RFX7: variants seen among roughly 807,000 people sequenced by gnomAD.
RFX7 encodes the protein regulatory factor X7, also known as DNA-binding protein RFX7.
Under a neutral mutation model 111.8 loss-of-function variants are expected in RFX7, and 26 were observed. That is an observed-to-expected ratio of 0.23 (90% CI 0.17 to 0.32). RFX7 has a LOEUF of 0.32. Ranked by LOEUF, RFX7 falls within the 10% of genes least tolerant of loss-of-function variation. RFX7 has a pLI of 1.00. For missense variants in RFX7, 1,573 were observed against 1,772.9 expected, an observed-to-expected ratio of 0.89 and a Z score of 2.02; for synonymous variants, 624 against 624.4, an observed-to-expected ratio of 1.00 and a Z score of 0.01.
intron 3 of RFX7, among the ~76,000 whole-genome samples, chr15:56,153,294 C>T (rs1205241338): frequency 2.0e-5 from 3 of 152,148 alleles, no homozygotes; most frequent in Non-Finnish European, 2.9e-5. Context: ...TGATGAACAT[C>T]GATGTGAAAA....
intron 2 of RFX7, among the ~76,000 whole-genome samples, chr15:56,212,271 G>C (rs181122197): frequency 6.6e-6 from 1 of 152,130 alleles, no homozygotes; most frequent in African/African-American, 2.4e-5. Flanking sequence ...TACATACTGT[G>C]TGATTACAAC....
chr15:56,243,391 GGGAGGGGAAGAGGAGGAGGAGGAGGA>G, intron 1 of RFX7, 28 bp downstream of exon 1: 1 of 891,372 alleles, frequency 1.1e-6, no homozygotes, highest in Non-Finnish European at 1.4e-6. Context: ...GAGGGGGAGG[GGGAGGGGAAGAGGAGGAGGAGGAGGA>G]AGGAAGCTGG....
intron 2 of RFX7, among the ~76,000 whole-genome samples, chr15:56,206,425 A>G (rs2043252635): frequency 6.6e-6 from 1 of 152,176 alleles, no homozygotes; most frequent in Non-Finnish European, 1.5e-5. Context: ...GTGCACAATC[A>G]TGATGGAGAA....
intron 5 of RFX7, among the ~76,000 whole-genome samples, chr15:56,119,012 C>A (rs1942207426): frequency 6.6e-6 from 1 of 152,120 alleles, no homozygotes; most frequent in Admixed American, 6.5e-5. Context: ...CTATATAGGT[C>A]TTTTGCCCAT....
intron 5 of RFX7, among the ~76,000 whole-genome samples, chr15:56,124,650 C>T (rs1595944417): frequency 6.6e-6 from 1 of 152,292 alleles, no homozygotes; most frequent in East Asian, 1.9e-4. Flanking sequence ...GCCATTTGTA[C>T]ACCATCTTTT....
At chr15:56,209,634 T>C (rs73411509) in intron 2 of RFX7, among the ~76,000 whole-genome samples, 6,442 of 152,114 alleles carry the variant, frequency 0.042, 490 homozygotes, top group African/African-American at 0.15. Flanking sequence ...TATGCTTCTA[T>C]ATAAACAAAA....
At position 56,095,005 on chromosome 15, in the gene RFX7, T is replaced by A. The variant is rs201283346; in HGVS notation, c.2723A>T (p.Asn908Ile). 1.2e-6 allele frequency: 2 copies of A among 1,613,498 alleles called. No individual in the cohort carries two copies. Among genetic ancestry groups the A allele is most frequent in the Non-Finnish European group, 1.7e-6 (2 of 1,179,730 alleles). The change falls in exon 10 of 10, where the codon AAC becomes ATC. Residue 908 changes from asparagine (N) to isoleucine (I), a missense_variant. Around this residue, in one of 7 missense-constraint regions of RFX7, gnomAD observed 625 missense variants for 632.2 expected, o/e 0.99. Coordinates refer to ENST00000559447, the MANE Select transcript of RFX7 (RefSeq NM_022841.7). Reference protein sequence around the residue: ...MSMNNSHSYGNCLGMTLQSQS... With the variant: ...MSMNNSHSYGICLGMTLQSQS... ...ACTCTGAAGGGTCATTCCCAAACAG[T>A]TGCCGTAAGAATGAGAATTGTTCAT...
intron 5 of RFX7, among the ~76,000 whole-genome samples, chr15:56,123,704 T>C (rs767942903): frequency 5.9e-5 from 9 of 152,178 alleles, no homozygotes; most frequent in Non-Finnish European, 1.0e-4. Flanking sequence ...CCAGAGCACT[T>C]TAGCCTGCAG....
intron 2 of RFX7, among the ~76,000 whole-genome samples, chr15:56,200,293 G>A (rs1162553599): frequency 6.6e-6 from 1 of 151,940 alleles, no homozygotes; most frequent in African/African-American, 2.4e-5. Context: ...GTTCTCTCTG[G>A]GAGATGAGAT....
At chr15:56,238,155 G>A (rs2043645731) in intron 2 of RFX7, among the ~76,000 whole-genome samples, 1 of 152,086 alleles carries the variant, frequency 6.6e-6, no homozygotes, top group African/African-American at 2.4e-5. Flanking sequence ...CAAAAACCAA[G>A]AATAAAACTG....
intron 2 of RFX7, among the ~76,000 whole-genome samples, chr15:56,182,350 A>G (rs1311483588): frequency 2.0e-5 from 3 of 152,272 alleles, no homozygotes; most frequent in Admixed American, 6.5e-5. Context: ...GGGCCCTGGA[A>G]TCACTTAACT....
chr15:56,137,664 ATG>A (rs1212009641), intron 5 of RFX7, among the ~76,000 whole-genome samples: 2,758 of 151,756 alleles, frequency 0.018, 79 homozygotes, highest in African/African-American at 0.062. Context: ...TAGCTTTTGA[ATG>A]TGTTTGCTCT....
chr15:56,167,003 T>C (rs1358457984), intron 3 of RFX7, among the ~76,000 whole-genome samples: 3 of 152,190 alleles, frequency 2.0e-5, no homozygotes, highest in Admixed American at 6.6e-5. Flanking sequence ...CCTCCTTTGG[T>C]TGACTCTCAG....
chr15:56,110,414 AG>A (rs1168876284), intron 5 of RFX7, among the ~76,000 whole-genome samples: 2 of 53,628 alleles, frequency 3.7e-5, no homozygotes, highest in African/African-American at 1.4e-4. Flanking sequence ...CGTCCGGGGG[AG>A]GGGGGGTCAG....
At chr15:56,180,954 T>C (rs1444617661) in intron 2 of RFX7, among the ~76,000 whole-genome samples, 1 of 152,092 alleles carries the variant, frequency 6.6e-6, no homozygotes, top group Non-Finnish European at 1.5e-5. Context: ...AATTATTTCT[T>C]GTCTAAGGTG....
At chr15:56,173,465 T>A (rs2042867565) in intron 3 of RFX7, among the ~76,000 whole-genome samples, 1 of 152,174 alleles carries the variant, frequency 6.6e-6, no homozygotes, top group Admixed American at 6.6e-5. Context: ...TGACCTGTAA[T>A]TGCAACGAAA....
intron 5 of RFX7, among the ~76,000 whole-genome samples, chr15:56,125,874 C>G (rs1270501501): frequency 6.6e-6 from 1 of 152,098 alleles, no homozygotes; most frequent in Non-Finnish European, 1.5e-5. Context: ...CAATCTTTCT[C>G]CCCTGTATAA....
chr15:56,232,666 C>A (rs2043577063), intron 2 of RFX7, among the ~76,000 whole-genome samples: 1 of 152,172 alleles, frequency 6.6e-6, no homozygotes, highest in Non-Finnish European at 1.5e-5. Context: ...AAACTGAATG[C>A]TTTTAACAGC....
At chr15:56,156,127 G>T (rs75949610) in intron 3 of RFX7, among the ~76,000 whole-genome samples, 335 of 152,096 alleles carry the variant, frequency 2.2e-3, no homozygotes, top group Non-Finnish European at 3.5e-3. Context: ...CAATTAATCT[G>T]CATTTACTGA....
Sources: allele counts gnomAD v4.1 joint callset (sites outside exome capture counted in the v4.1 genomes callset), GRCh38; gene constraint gnomAD v4.1.1; regional missense constraint gnomAD v4.1.1; transcripts MANE v1.5; gene names NCBI Gene and HGNC (gene_info 2026-07-23, HGNC 2026-07-21).